Variants in IL34 observed in about 807,000 individuals in gnomAD.
IL34 encodes interleukin-34.
Under a neutral mutation model 25.3 loss-of-function variants are expected in IL34, and 17 were observed. The ratio of observed to expected loss-of-function variants is 0.67; its 90% confidence interval spans 0.46 to 1.01. The LOEUF is 1.01. IL34 is among the 50% of genes least tolerant of loss of function. The pLI is 0.00. For missense variants in IL34, 368 were observed against 312.9 expected, an observed-to-expected ratio of 1.18 and a Z score of -1.33; for synonymous variants, 174 against 140.9, an observed-to-expected ratio of 1.23 and a Z score of -1.66.
chr16:70,613,876 GA>G (rs796663213), intron 1 of IL34, among the ~76,000 whole-genome samples: 62 of 128,252 alleles, frequency 4.8e-4, no homozygotes, highest in South Asian at 1.3e-3. Context: ...TCTGTCTCAG[GA>G]AAAAAAAAAA....
At chr16:70,639,526 T>A (rs1225396625) in intron 1 of IL34, among the ~76,000 whole-genome samples, 1 of 152,222 alleles carries the variant, frequency 6.6e-6, no homozygotes, top group Non-Finnish European at 1.5e-5. Context: ...AGGCATTAAG[T>A]GGCATTGCCT....
intron 1 of IL34, among the ~76,000 whole-genome samples, chr16:70,582,946 T>A (rs1567433328): frequency 1.3e-5 from 2 of 151,796 alleles, no homozygotes; most frequent in Non-Finnish European, 2.9e-5. Context: ...GGAAGCCGAG[T>A]TGAGTTTGGA....
chr16:70,592,146 C>T (rs2050762879), intron 1 of IL34, among the ~76,000 whole-genome samples: 1 of 151,404 alleles, frequency 6.6e-6, no homozygotes, highest in South Asian at 2.1e-4. Context: ...CATAGCCCTC[C>T]TCCTGGCTTC....
At chr16:70,590,541 G>C (rs2050740984) in intron 1 of IL34, among the ~76,000 whole-genome samples, 2 of 152,034 alleles carry the variant, frequency 1.3e-5, no homozygotes, top group South Asian at 4.2e-4. Flanking sequence ...TCAGAGGGAG[G>C]GGGCAGCCGG....
At chr16:70,636,938 G>T (rs1395172346) in intron 1 of IL34, among the ~76,000 whole-genome samples, 1 of 151,396 alleles carries the variant, frequency 6.6e-6, no homozygotes, top group Non-Finnish European at 1.5e-5. Context: ...GGAGTACAGT[G>T]GCGTAATCTC....
upstream of IL34, among the ~76,000 whole-genome samples, chr16:70,644,121 T>C (rs1013715430): frequency 3.9e-5 from 6 of 152,150 alleles, no homozygotes; most frequent in African/African-American, 1.2e-4. Context: ...ATTACAGGCA[T>C]GCACCACCAC....
At chr16:70,625,408 G>C (rs1464841507) in intron 1 of IL34, among the ~76,000 whole-genome samples, 1 of 152,066 alleles carries the variant, frequency 6.6e-6, no homozygotes, top group African/African-American at 2.4e-5. Context: ...GGGATTGGGG[G>C]TTCTTGCCCC....
intron 1 of IL34, among the ~76,000 whole-genome samples, chr16:70,609,180 C>G (rs1420725846): frequency 6.6e-6 from 1 of 152,180 alleles, no homozygotes; most frequent in African/African-American, 2.4e-5. Context: ...CCGGTTCAAG[C>G]AATTCTCCCT....
intron 1 of IL34, chr16:70,654,278 G>T: frequency 3.0e-6 from 1 of 337,046 alleles, no homozygotes; most frequent in Non-Finnish European, 5.4e-6. Flanking sequence ...CGTCGACCCT[G>T]AGGCGTGCCT....
At chr16:70,650,204 G>C (rs906904779) in intron 1 of IL34, among the ~76,000 whole-genome samples, 1 of 152,146 alleles carries the variant, frequency 6.6e-6, no homozygotes, top group Admixed American at 6.6e-5. Flanking sequence ...CAGAGCATGT[G>C]GGGGACAGTG....
intron 1 of IL34, among the ~76,000 whole-genome samples, chr16:70,628,485 ATTTATTTATTTT>A (rs1012570781): frequency 5.4e-5 from 8 of 149,506 alleles, no homozygotes; most frequent in African/African-American, 2.0e-4. Context: ...TTATTTATTT[ATTTATTTATTTT>A]TTTTTTTGAG....
chr16:70,657,714 G>C (rs1033412619), intron 4 of IL34, among the ~76,000 whole-genome samples: 4 of 152,176 alleles, frequency 2.6e-5, no homozygotes, highest in Admixed American at 2.6e-4. Flanking sequence ...GGCAGAGGTT[G>C]CAGTGAGCTG....
chr16:70,620,224 C>A (rs1028299657), intron 1 of IL34, among the ~76,000 whole-genome samples: 1 of 151,944 alleles, frequency 6.6e-6, no homozygotes. Flanking sequence ...GGCTGTAAAG[C>A]GTCTCAAGGT....
intron 1 of IL34, among the ~76,000 whole-genome samples, chr16:70,580,961 G>A (rs757024225): frequency 1.9e-4 from 29 of 151,452 alleles, no homozygotes; most frequent in Non-Finnish European, 2.8e-4. Flanking sequence ...GACCAGGCTG[G>A]AGTGCAGTGG....
chr16:70,644,885 G>A (rs994579992), upstream of IL34, among the ~76,000 whole-genome samples: 7 of 143,594 alleles, frequency 4.9e-5, no homozygotes, highest in Non-Finnish European at 6.1e-5. Flanking sequence ...AGAGGAAGGA[G>A]GTGGAAGAGG....
chr16:70,604,780 C>T (rs767073121), intron 1 of IL34, among the ~76,000 whole-genome samples: 1 of 152,186 alleles, frequency 6.6e-6, no homozygotes, highest in African/African-American at 2.4e-5. Flanking sequence ...AGGATACTTC[C>T]AGTAGGCTAA....
chr16:70,635,926 A>G (rs1474517287), intron 1 of IL34, among the ~76,000 whole-genome samples: 2 of 151,944 alleles, frequency 1.3e-5, no homozygotes, highest in Non-Finnish European at 2.9e-5. Flanking sequence ...TATCAAGCCC[A>G]TTTTACAGAT....
At chr16:70,617,295 G>A (rs1472759110) in intron 1 of IL34, among the ~76,000 whole-genome samples, 7 of 152,196 alleles carry the variant, frequency 4.6e-5, no homozygotes, top group African/African-American at 7.2e-5. Context: ...GTATAGTCCT[G>A]CCAGCAAAGA....
chr16:70,650,013 G>GGTCTT (rs1456503262), intron 1 of IL34, among the ~76,000 whole-genome samples: 1 of 152,148 alleles, frequency 6.6e-6, no homozygotes, highest in Non-Finnish European at 1.5e-5. Flanking sequence ...TGGCCAGACT[G>GGTCTT]GTCTTGAACT....
Sources: gnomAD v4.1 joint callset for allele counts (sites outside exome capture counted in the v4.1 genomes callset) on GRCh38, gnomAD v4.1.1 for gene constraint, MANE v1.5 for transcripts, NCBI Gene and HGNC (gene_info 2026-07-23, HGNC 2026-07-21) for gene names.